Variants in MACROD2 observed in about 807,000 individuals in gnomAD.
MACROD2 encodes mono-ADP ribosylhydrolase 2, also known as ADP-ribose glycohydrolase MACROD2.
MACROD2 carries 36 observed loss-of-function variants against 70.4 expected under a neutral mutation model. The ratio of observed to expected loss-of-function variants is 0.51; its 90% confidence interval spans 0.39 to 0.68. The LOEUF (loss-of-function observed/expected upper bound fraction) is 0.68, where lower values mean the gene tolerates loss of function less well. Ranked by LOEUF, MACROD2 falls within the 30% of genes least tolerant of loss-of-function variation. The pLI, the probability that MACROD2 is intolerant of heterozygous loss-of-function variation, is 0.00. For missense variants in MACROD2, 496 were observed against 538.4 expected (o/e 0.92, Z 0.78); for synonymous variants, 172 against 178.8 (o/e 0.96, Z 0.30).
chr20:15,225,562 A>G (rs1487362350), intron 5 of MACROD2, among the ~76,000 whole-genome samples: 1 of 152,194 alleles, frequency 6.6e-6, no homozygotes, highest in African/African-American at 2.4e-5. Context: ...ATGTAGCTAA[A>G]ACAAACCTAT....
At chr20:15,625,764 G>C (rs887734180) in intron 8 of MACROD2, among the ~76,000 whole-genome samples, 1 of 152,014 alleles carries the variant, frequency 6.6e-6, no homozygotes, top group Non-Finnish European at 1.5e-5. Context: ...TTGGAACAAC[G>C]TTCCTAGATT....
At chr20:15,097,502 T>C (rs574100412) in intron 5 of MACROD2, among the ~76,000 whole-genome samples, 40 of 152,336 alleles carry the variant, frequency 2.6e-4, no homozygotes, top group African/African-American at 9.4e-4. Flanking sequence ...GAAAAATCAA[T>C]TATTTTTCAA....
intron 9 of MACROD2, 107 bp downstream of exon 9, chr20:15,862,933 T>C: frequency 1.3e-6 from 1 of 761,276 alleles, no homozygotes; most frequent in Non-Finnish European, 2.1e-6. Flanking sequence ...CACATGGTGA[T>C]CCTGCCAACT....
chr20:15,313,016 CA>C (rs1444759222), intron 6 of MACROD2, among the ~76,000 whole-genome samples: 1 of 151,972 alleles, frequency 6.6e-6, no homozygotes, highest in East Asian at 1.9e-4. Flanking sequence ...TATTTATACA[CA>C]TTTATATATT....
chr20:14,580,516 G>T (rs1038133585), intron 4 of MACROD2, among the ~76,000 whole-genome samples: 1 of 152,030 alleles, frequency 6.6e-6, no homozygotes, highest in Non-Finnish European at 1.5e-5. Context: ...GCAAAAATTG[G>T]ATGTCATGTC....
At chr20:13,999,532 C>T (rs370799902) in intron 1 of MACROD2, among the ~76,000 whole-genome samples, 6 of 152,062 alleles carry the variant, frequency 3.9e-5, no homozygotes, top group African/African-American at 1.2e-4. Flanking sequence ...CTATATGAGG[C>T]GAAATATTGT....
chr20:14,493,329 C>T (rs2123105447), intron 3 of MACROD2, 150 bp from the exon 4 acceptor site: 2 of 474,252 alleles, frequency 4.2e-6, no homozygotes, highest in Middle Eastern at 6.1e-4. Context: ...AATAGTAATA[C>T]AGGCTGTCTT....
rs541415732 is a variant in MACROD2, at chr20:15,098,359, C to T, written c.419-131581C>T. ...TTTCTCACCTGAATTTGGGTGGCGG[C>T]TCTGTAGCTGCTCTCCTCATAACAG... is the stretch of plus-strand genomic sequence containing the variant. On this transcript the variant is annotated intron_variant, in intron 5 of 17. Coordinates refer to ENST00000684519, the MANE Select transcript of MACROD2 (RefSeq NM_001351661.2). Among the ~76,000 whole-genome samples, 5 of 152,286 alleles carry T rather than the reference C, an allele frequency of 3.3e-5. No homozygotes were observed. In the South Asian group the frequency reaches 8.3e-4, roughly 25 times the overall value.
At chr20:15,359,821 A>T (rs1316237732) in intron 6 of MACROD2, among the ~76,000 whole-genome samples, 1 of 152,166 alleles carries the variant, frequency 6.6e-6, no homozygotes, top group Non-Finnish European at 1.5e-5. Context: ...TCCTTGACTG[A>T]TTCATTTTGC....
At chr20:14,416,096 T>C (rs1048664041) in intron 3 of MACROD2, among the ~76,000 whole-genome samples, 4 of 151,858 alleles carry the variant, frequency 2.6e-5, no homozygotes, top group Admixed American at 6.6e-5. Context: ...GTAGCTGGGA[T>C]TACAGGCACA....
intron 5 of MACROD2, among the ~76,000 whole-genome samples, chr20:15,010,941 G>A (rs1206396967): frequency 6.6e-6 from 1 of 152,128 alleles, no homozygotes; most frequent in African/African-American, 2.4e-5. Context: ...AGTGAACCTG[G>A]TTTTACTTGA....
intron 8 of MACROD2, among the ~76,000 whole-genome samples, chr20:15,783,237 C>G (rs887971443): frequency 6.6e-6 from 1 of 152,076 alleles, no homozygotes; most frequent in East Asian, 1.9e-4. Flanking sequence ...CTTGAGTTCT[C>G]CCCATTTATA....
intron 7 of MACROD2, among the ~76,000 whole-genome samples, chr20:15,456,052 C>T (rs907967798): frequency 1.5e-4 from 23 of 152,122 alleles, no homozygotes; most frequent in Non-Finnish European, 2.1e-4. Flanking sequence ...TAACCATTTC[C>T]TTTTAAGGAA....
chr20:16,048,713 T>G (rs141915503), intron 17 of MACROD2, among the ~76,000 whole-genome samples: 9 of 151,898 alleles, frequency 5.9e-5, no homozygotes, highest in African/African-American at 2.2e-4. Context: ...TATACATGGC[T>G]GGGGGACATA....
At chr20:15,208,190 C>T (rs1436524225) in intron 5 of MACROD2, among the ~76,000 whole-genome samples, 1 of 152,100 alleles carries the variant, frequency 6.6e-6, no homozygotes, top group African/African-American at 2.4e-5. Flanking sequence ...TCCCTCTGTC[C>T]TCTCCATTAT....
chr20:14,876,380 T>G (rs1035091524), intron 5 of MACROD2, among the ~76,000 whole-genome samples: 6 of 152,190 alleles, frequency 3.9e-5, no homozygotes, highest in Admixed American at 3.9e-4. Flanking sequence ...TTTTGTTTAA[T>G]GCATACTTTG....
At chr20:14,790,583 G>A (rs554324606) in intron 5 of MACROD2, among the ~76,000 whole-genome samples, 1 of 152,078 alleles carries the variant, frequency 6.6e-6, no homozygotes, top group Non-Finnish European at 1.5e-5. Context: ...GATTAATTAA[G>A]GGGCTGTGAA....
At chr20:14,691,361 C>T (rs373239433) in intron 5 of MACROD2, among the ~76,000 whole-genome samples, 5 of 152,198 alleles carry the variant, frequency 3.3e-5, no homozygotes, top group African/African-American at 1.2e-4. Context: ...GACATCCTTG[C>T]TTCTGTTGCC....
intron 5 of MACROD2, among the ~76,000 whole-genome samples, chr20:15,062,719 C>T (rs2075542799): frequency 6.6e-6 from 1 of 152,180 alleles, no homozygotes; most frequent in Non-Finnish European, 1.5e-5. Flanking sequence ...AGGCACACAA[C>T]AGTGAACAAA....
Sources: gnomAD v4.1 joint callset for allele counts (sites outside exome capture counted in the v4.1 genomes callset) on GRCh38, gnomAD v4.1.1 for gene constraint, MANE v1.5 for transcripts, NCBI Gene and HGNC (gene_info 2026-07-23, HGNC 2026-07-21) for gene names.